WNT2B: variants seen among roughly 807,000 people sequenced by gnomAD.
WNT2B encodes Wnt family member 2B.
In WNT2B, 19 loss-of-function variants were observed where a neutral mutation model predicts 40.5. The observed-to-expected ratio is 0.47, with a 90% confidence interval of 0.33 to 0.69. The LOEUF (loss-of-function observed/expected upper bound fraction) is 0.69, where lower values mean the gene tolerates loss of function less well. Ranked by LOEUF, WNT2B falls within the 30% of genes least tolerant of loss-of-function variation. The pLI, the probability that WNT2B is intolerant of heterozygous loss-of-function variation, is 0.02. For missense variants in WNT2B, 467 were observed against 556.4 expected (o/e 0.84, Z 1.62); for synonymous variants, 220 against 211.9 (o/e 1.04, Z -0.33).
At position 112,509,488 on chromosome 1, in the gene WNT2B, A is replaced by G. The variant is rs773505096; in HGVS notation, c.182+44A>G. On this transcript the variant is annotated intron_variant, in intron 1 of 4. Coordinates refer to ENST00000369684, the MANE Select transcript of WNT2B (RefSeq NM_024494.3). This position sits in a 1 kb window ranked among gnomAD's most constrained non-coding sequence, Gnocchi z 4.2. The stretch of plus-strand genomic sequence containing the variant: ...CTGGGCGGGTGAGGCGCTTGGTAGG[A>G]GAGGCCGGAGGCGCCTGGAGGGACT... 4.3e-5 allele frequency: 66 copies of G among 1,529,092 alleles called. No homozygotes were observed. The highest frequency in any genetic ancestry group is 1.2e-5 in the Non-Finnish European group (14 of 1,155,506). 94.7% of individuals were successfully genotyped at this position (1,529,092 alleles called of 1,614,324 possible).
intron 1 of WNT2B, among the ~76,000 whole-genome samples, chr1:112,472,769 G>A (rs560220085): frequency 2.0e-5 from 3 of 151,920 alleles, no homozygotes; most frequent in South Asian, 2.1e-4. Flanking sequence ...ATTACTTCAG[G>A]GTGGGCAACA....
chr1:112,492,869 T>C (rs1274980528), intron 1 of WNT2B, among the ~76,000 whole-genome samples: 2 of 152,198 alleles, frequency 1.3e-5, no homozygotes, highest in African/African-American at 4.8e-5. Context: ...GCTCACTAAA[T>C]GACAGAGACC....
intron 1 of WNT2B, among the ~76,000 whole-genome samples, chr1:112,489,634 C>T (rs1651535499): frequency 6.6e-6 from 1 of 152,148 alleles, no homozygotes; most frequent in Admixed American, 6.5e-5. Context: ...TCACTCCCTT[C>T]TACCAGTTGT....
upstream of WNT2B, among the ~76,000 whole-genome samples, chr1:112,506,250 C>T (rs966945617): frequency 2.0e-5 from 3 of 152,194 alleles, no homozygotes; most frequent in Admixed American, 6.5e-5. Context: ...CCTCCCAACT[C>T]GGCCTCCCAA....
rs144007878 is a variant in WNT2B at position 112,494,141 on chromosome 1, C to G, written c.-94-20733C>G. ...CCTGACCAATATGGTGAAACCCCAT[C>G]TCTACTAAAAATACAAAAATTAGCC... On this transcript the variant is annotated intron_variant, in intron 1 of 4. Coordinates refer to the WNT2B transcript ENST00000256640. 5.8e-4 allele frequency among the ~76,000 whole-genome samples: 87 copies of G among 151,036 alleles called. No individual in the cohort carries two copies. In the East Asian group the frequency reaches 0.016, roughly 29 times the overall value.
rs780263520 is a variant in WNT2B at position 112,509,468 on chromosome 1, C to A, written c.182+24C>A. 7.1e-6 allele frequency: 11 copies of A among 1,545,018 alleles called. No individual in the cohort carries two copies. Among genetic ancestry groups the A allele is most frequent in the Non-Finnish European group, 9.5e-6 (11 of 1,160,740 alleles). ...TGGTAAGTGTGGCTCTCAGGCTGGG[C>A]GGGTGAGGCGCTTGGTAGGAGAGGC... is the stretch of plus-strand genomic sequence containing the variant. On this transcript the variant is annotated intron_variant, in intron 1 of 4. Transcript: ENST00000369684. This position sits in a 1 kb window ranked among gnomAD's most constrained non-coding sequence, Gnocchi z 4.2.
In WNT2B at chr1:112,502,155, C is replaced by G. The variant is rs116700195; in HGVS notation, c.-94-12719C>G. On this transcript the variant is annotated intron_variant, in intron 1 of 4. Transcript: ENST00000256640. ...CTCGCTCTCCCGGGCTACTCCGGCG[C>G]GCAGGTGCTGCGCCCGCGGGAGAGA... Among the ~76,000 whole-genome samples, 1,242 of 152,326 alleles carry G rather than the reference C, an allele frequency of 8.2e-3. 21 individuals are homozygous for G. Among genetic ancestry groups the G allele is most frequent in the African/African-American group, 0.028 (1,163 of 41,584 alleles).
At chr1:112,469,415 C>T (rs1467069574) in intron 1 of WNT2B, among the ~76,000 whole-genome samples, 1 of 152,158 alleles carries the variant, frequency 6.6e-6, no homozygotes, top group Non-Finnish European at 1.5e-5. Flanking sequence ...CTGTAGATTG[C>T]TGCAAGCAGT....
intron 3 of WNT2B, 74 bp from the exon 4 acceptor site, chr1:112,517,047 C>G: frequency 6.4e-7 from 1 of 1,551,582 alleles, no homozygotes; most frequent in Non-Finnish European, 8.7e-7. Context: ...AGCACTCATC[C>G]TTTTGGACCT....
chr1:112,508,686 T>G, upstream of WNT2B: 3 of 983,784 alleles, frequency 3.0e-6, no homozygotes, highest in South Asian at 1.4e-4. This position sits in a 1 kb window ranked among gnomAD's most constrained non-coding sequence, Gnocchi z 4.2. Flanking sequence ...GGCTGCTGAG[T>G]GAAGGGCGCT....
At position 112,500,613 on chromosome 1, in the gene WNT2B, T is replaced by A. The variant is rs116638838; in HGVS notation, c.-94-14261T>A. On this transcript the variant is annotated intron_variant, in intron 1 of 4. Coordinates refer to the WNT2B transcript ENST00000256640. Reference sequence around the variant, plus strand: ...AGTGAGACCCCGTCACTAAAAAAAATTTTTTTTAATTATTTAGGCATGGTG... The same window carrying A: ...AGTGAGACCCCGTCACTAAAAAAAAATTTTTTTAATTATTTAGGCATGGTG... Among the ~76,000 whole-genome samples, 456 of 150,682 alleles carry A rather than the reference T, an allele frequency of 3.0e-3. 1 individual carries two copies. Among genetic ancestry groups the A allele is most frequent in the African/African-American group, 0.01 (418 of 41,224 alleles).
At chr1:112,487,601 T>C (rs1412924506) in intron 1 of WNT2B, among the ~76,000 whole-genome samples, 5 of 152,082 alleles carry the variant, frequency 3.3e-5, no homozygotes, top group South Asian at 2.1e-4. Context: ...TGAAAAACAG[T>C]ATAAGTATTG....
In WNT2B at chr1:112,520,273, A is replaced by C. The variant is rs763665439; in HGVS notation, c.947-7A>C. On this transcript the variant is annotated splice_polypyrimidine_tract_variant and splice_region_variant and intron_variant, in intron 4 of 4. Transcript: ENST00000369684. ...TTTGTTCTCACTCCCTCTCTTCCCC[A>C]ACCCAGGTTCCCTAGGCACTGCAGG... 1.2e-6 allele frequency: 2 copies of C among 1,612,960 alleles called. No individual in the cohort carries two copies. Among genetic ancestry groups the C allele is most frequent in the Admixed American group, 1.7e-5 (1 of 59,810 alleles).
chr1:112,511,561 G>A (rs372283129), intron 1 of WNT2B, among the ~76,000 whole-genome samples: 1 of 152,232 alleles, frequency 6.6e-6, no homozygotes, highest in Non-Finnish European at 1.5e-5. Context: ...CTCTGGAGCA[G>A]AAGGCCATCA....
intron 1 of WNT2B, among the ~76,000 whole-genome samples, chr1:112,497,900 T>C (rs1651827677): frequency 6.6e-6 from 1 of 151,640 alleles, no homozygotes; most frequent in African/African-American, 2.4e-5. Flanking sequence ...CCACCAAATA[T>C]CCTAGTTCAT....
At chr1:112,481,459 G>A (rs1651222704) in intron 1 of WNT2B, among the ~76,000 whole-genome samples, 2 of 152,034 alleles carry the variant, frequency 1.3e-5, no homozygotes, top group Non-Finnish European at 2.9e-5. Context: ...TAACCAATGG[G>A]GAAAAACTAC....
intron 1 of WNT2B, among the ~76,000 whole-genome samples, chr1:112,479,048 T>C (rs917867893): frequency 7.3e-5 from 11 of 150,150 alleles, no homozygotes; most frequent in African/African-American, 1.2e-4. Context: ...TGGTGAAACC[T>C]TGTCTCTACT....
In WNT2B at chr1:112,483,561, C is replaced by T. The variant is rs147972522; in HGVS notation, c.-95+15970C>T. ...TAGGGGAACATTTTCTTGATATTGG[C>T]CTGGGAAATGATTTTTTTTTTGATG... is the stretch of plus-strand genomic sequence containing the variant. On this transcript the variant is annotated intron_variant, in intron 1 of 4. Transcript: ENST00000256640. Among the ~76,000 whole-genome samples, 457 of 137,954 alleles carry T rather than the reference C, an allele frequency of 3.3e-3. 1 individual carries two copies. The highest frequency in any genetic ancestry group is 0.013 in the African/African-American group (432 of 33,480). 90.5% of individuals were successfully genotyped at this position (137,954 alleles called of 152,430 possible).
intron 1 of WNT2B, among the ~76,000 whole-genome samples, chr1:112,484,839 G>T (rs571369949): frequency 6.6e-6 from 1 of 151,774 alleles, no homozygotes; most frequent in South Asian, 2.1e-4. Flanking sequence ...TAAATGTAAA[G>T]ATATCTGACA....
Sources: gnomAD v4.1 joint callset for allele counts (sites outside exome capture counted in the v4.1 genomes callset) on GRCh38, gnomAD v4.1.1 for gene constraint, Gnocchi (gnomAD v3.1) non-coding constraint, MANE v1.5 for transcripts, NCBI Gene and HGNC (gene_info 2026-07-23, HGNC 2026-07-21) for gene names.